Variants in ZBED3 observed in about 807,000 individuals in gnomAD.
ZBED3 encodes the protein zinc finger BED-type containing 3.
For missense variants in ZBED3, 388 were observed against 362.9 expected (o/e 1.07, Z -0.56); for synonymous variants, 175 against 180.0 (o/e 0.97, Z 0.22).
At position 77,077,453 on chromosome 5, in the gene ZBED3, G is replaced by A. The variant is rs1743041949; in HGVS notation, c.426C>T (p.Arg142=). The change falls in exon 3 of 3, where the codon CGC becomes CGT. Residue 142 remains arginine, a synonymous_variant. Transcript: ENST00000255198. ...CCAGCTCCCGCTCCCGCCGGCTGCCGCGCACGGCCAGCGCGCCCATCTGTT... is the reference window on the plus strand; with the variant it reads ...CCAGCTCCCGCTCCCGCCGGCTGCCACGCACGGCCAGCGCGCCCATCTGTT... ...LLEQMGALAV[R]GSRRERELER... The A allele has an allele frequency of 8.3e-7, 1 of 1,209,904 alleles. No homozygotes were observed. The allele number at this position is 1,209,904 out of a possible 1,614,324, so 74.9% of individuals were successfully genotyped here. A position where few individuals can be genotyped will look rare whatever the true frequency, so the allele number is the denominator to read the frequency against.
In ZBED3 at chr5:77,076,003, ATATATATATGTATATATG is replaced by A. The variant is rs1742986677; in HGVS notation, c.*1153_*1170del. Reference sequence around the variant, plus strand: ...TATGTATATATATATGTATATATGTATATATATATGTATATATGTATATATATATGTATATATGTATAT... The same window carrying A: ...TATGTATATATATATGTATATATGTATATATATATATGTATATATGTATAT... On this transcript the variant is annotated 3_prime_UTR_variant, in exon 3 of 3. Transcript: ENST00000255198. The A allele has an allele frequency of 9.0e-5, 5 of 55,820 alleles. No homozygotes were observed. Among genetic ancestry groups the A allele is most frequent in the South Asian group, 4.2e-4 (1 of 2,384 alleles). The allele number at this position is 55,820 out of a possible 1,614,324, so 3.5% of individuals were successfully genotyped here. A position where few individuals can be genotyped will look rare whatever the true frequency, so the allele number is the denominator to read the frequency against.
In ZBED3 at chr5:77,075,761, A is replaced by G. The variant is rs1742962970; in HGVS notation, c.*1413T>C. ...GGAACCAGTATGCAACAGGAAAAGG[A>G]ATTCTTTGAAGGAAAAACAGGATCC... On this transcript the variant is annotated 3_prime_UTR_variant, in exon 3 of 3. Coordinates refer to ENST00000255198, the MANE Select transcript of ZBED3 (RefSeq NM_032367.4). The G allele has an allele frequency of 6.6e-6, 1 of 151,290 alleles. No homozygotes were observed. Among genetic ancestry groups the G allele is most frequent in the African/African-American group, 2.4e-5 (1 of 41,182 alleles). The allele number at this position is 151,290 out of a possible 1,614,324, so 9.4% of individuals were successfully genotyped here. A position where few individuals can be genotyped will look rare whatever the true frequency, so the allele number is the denominator to read the frequency against.
In ZBED3 at chr5:77,073,403, TA is replaced by T. The variant is rs1354405596; in HGVS notation, c.*3770del. 1 of 152,198 alleles carries T rather than the reference TA, an allele frequency of 6.6e-6. No homozygotes were observed. Among genetic ancestry groups the T allele is most frequent in the African/African-American group, 2.4e-5 (1 of 41,440 alleles). 9.4% of individuals were successfully genotyped at this position (152,198 alleles called of 1,614,324 possible). A position where few individuals can be genotyped will look rare whatever the true frequency, so the allele number is the denominator to read the frequency against. ...AATTTATAAATCCATATGAAGAAGT[TA>T]AGTTCCAATACTTGAAAATAACTTA... On this transcript the variant is annotated 3_prime_UTR_variant, in exon 3 of 3. Transcript: ENST00000255198.
chr5:77,077,689 C>A lies in ZBED3; in HGVS notation c.190G>T (p.Gly64Cys). The A allele has an allele frequency of 7.4e-7, 1 of 1,354,926 alleles. No individual in the cohort carries two copies. The highest frequency in any genetic ancestry group is 9.5e-7 in the Non-Finnish European group (1 of 1,058,142). The allele number at this position is 1,354,926 out of a possible 1,614,324, so 83.9% of individuals were successfully genotyped here. A position where few individuals can be genotyped will look rare whatever the true frequency, so the allele number is the denominator to read the frequency against. The change falls in exon 3 of 3, where the codon GGC becomes TGC. Residue 64 changes from glycine (G) to cysteine (C), a missense_variant. Coordinates refer to ENST00000255198, the MANE Select transcript of ZBED3 (RefSeq NM_032367.4). ...CACAGACGGCAGGTGGCCCAGTGGC[C>A]CGACGGATGCCCGGGGCGCCCCGGC... ...LAPGRPGHPS[G>C]HWATCRLCGE...
chr5:77,084,379 G>C (rs1743193429), intron 1 of ZBED3, among the ~76,000 whole-genome samples: 1 of 152,182 alleles, frequency 6.6e-6, no homozygotes, highest in Non-Finnish European at 1.5e-5. Flanking sequence ...AATCTCACGA[G>C]ATCTGATGGT....
chr5:77,083,470 C>G (rs1279572050), intron 1 of ZBED3, among the ~76,000 whole-genome samples: 1 of 152,150 alleles, frequency 6.6e-6, no homozygotes, highest in Non-Finnish European at 1.5e-5. Flanking sequence ...TAGCCCCAGC[C>G]CACCCGAGTC....
In ZBED3 at chr5:77,075,747, G is replaced by GCAA. The variant is rs1489209588; in HGVS notation, c.*1424_*1426dup. ...CTATGGAAAAACTGGGAACCAGTATGCAACAGGAAAAGGAATTCTTTGAAG... is the reference window on the plus strand; with the variant it reads ...CTATGGAAAAACTGGGAACCAGTATGCAACAACAGGAAAAGGAATTCTTTGAAG... On this transcript the variant is annotated 3_prime_UTR_variant, in exon 3 of 3. Coordinates refer to ENST00000255198, the MANE Select transcript of ZBED3 (RefSeq NM_032367.4). 1 of 151,162 alleles carries GCAA rather than the reference G, an allele frequency of 6.6e-6. No homozygotes were observed. The highest frequency in any genetic ancestry group is 2.4e-5 in the African/African-American group (1 of 41,164). 9.4% of individuals were successfully genotyped at this position (151,162 alleles called of 1,614,324 possible).
In ZBED3 at chr5:77,072,747, G is replaced by A. The variant is rs1206754060; in HGVS notation, c.*4427C>T. The stretch of plus-strand genomic sequence containing the variant: ...GTCTTGGCAGATCTCTGAGGCTTGT[G>A]TGTAGGTGTTCTCAGGAATCCTCCC... On this transcript the variant is annotated 3_prime_UTR_variant, in exon 3 of 3. Coordinates refer to ENST00000255198, the MANE Select transcript of ZBED3 (RefSeq NM_032367.4). 2.0e-5 allele frequency: 3 copies of A among 152,182 alleles called. No homozygotes were observed. The highest frequency in any genetic ancestry group is 4.4e-5 in the Non-Finnish European group (3 of 68,030). The allele number at this position is 152,182 out of a possible 1,614,324, so 9.4% of individuals were successfully genotyped here. A position where few individuals can be genotyped will look rare whatever the true frequency, so the allele number is the denominator to read the frequency against.
rs1554047999 is a variant in ZBED3 at position 77,075,935 on chromosome 5, T to TTTTATATA, written c.*1238_*1239insTATATAAA. 23 of 21,156 alleles carry TTTTATATA rather than the reference T, an allele frequency of 1.1e-3. 5 individuals carry two copies. Among genetic ancestry groups the TTTTATATA allele is most frequent in the African/African-American group, 2.9e-3 (22 of 7,472 alleles). The allele number at this position is 21,156 out of a possible 1,614,324, so 1.3% of individuals were successfully genotyped here. Reference sequence around the variant, plus strand: ...GACATGCACCCTAGAACTTAAAGTATTATATATACATATATATATATATAT... The same window carrying TTTTATATA: ...GACATGCACCCTAGAACTTAAAGTATTTTATATATATATATACATATATATATATATAT... On this transcript the variant is annotated 3_prime_UTR_variant, in exon 3 of 3. Transcript: ENST00000255198.
At position 77,083,145 on chromosome 5, in the gene ZBED3, C is replaced by CA. The variant is rs554048397; in HGVS notation, c.-153+3965dup. On this transcript the variant is annotated intron_variant, in intron 1 of 2. Coordinates refer to ENST00000255198, the MANE Select transcript of ZBED3 (RefSeq NM_032367.4). ...AGAGCGAAACTCCATCTCAGAAAAA[C>CA]AAAAAACAAAAACAAAAAAGCAAAA... Among the ~76,000 whole-genome samples the CA allele has an allele frequency of 3.7e-3, 558 of 152,106 alleles. 1 individual carries two copies. Among genetic ancestry groups the CA allele is most frequent in the Non-Finnish European group, 5.2e-3 (353 of 67,966 alleles).
At position 77,072,839 on chromosome 5, in the gene ZBED3, A is replaced by G. The variant is rs1742910163; in HGVS notation, c.*4335T>C. ...TGAGCAGCAGGAGCCCTTAAGGCCA[A>G]AGAGACTGAAATGCATTAAGTAGGC... On this transcript the variant is annotated 3_prime_UTR_variant, in exon 3 of 3. Transcript: ENST00000255198. 6.6e-6 allele frequency: 1 copy of G among 152,296 alleles called. No homozygotes were observed. The highest frequency in any genetic ancestry group is 2.4e-5 in the African/African-American group (1 of 41,536). The allele number at this position is 152,296 out of a possible 1,614,324, so 9.4% of individuals were successfully genotyped here.
intron 1 of ZBED3, among the ~76,000 whole-genome samples, chr5:77,081,895 G>A (rs760922283): frequency 3.3e-5 from 5 of 152,118 alleles, no homozygotes; most frequent in Non-Finnish European, 7.4e-5. Flanking sequence ...CTCAGGAAGC[G>A]TACCATCTGG....
Position 77,075,965 on chromosome 5 carries a change from ATGTATATG to A in ZBED3, c.*1201_*1208del, listed in dbSNP as rs781086996. 0.092 allele frequency: 2,750 copies of A among 29,968 alleles called. 686 individuals are homozygous for A. Among genetic ancestry groups the A allele is most frequent in the Non-Finnish European group, 0.11 (1,703 of 15,668 alleles). The allele number at this position is 29,968 out of a possible 1,614,324, so 1.9% of individuals were successfully genotyped here. A position where few individuals can be genotyped will look rare whatever the true frequency, so the allele number is the denominator to read the frequency against. Reference sequence around the variant, plus strand: ...TATACATATATATATATATATATATATGTATATGTATATATGTATATATATATGTATAT... The same window carrying A: ...TATACATATATATATATATATATATATATATATGTATATATATATGTATAT... On this transcript the variant is annotated 3_prime_UTR_variant, in exon 3 of 3. Transcript: ENST00000255198.
In ZBED3 at chr5:77,077,314, G is replaced by T. The variant is rs765047926; in HGVS notation, c.565C>A (p.Arg189=). 37 of 1,313,988 alleles carry T rather than the reference G, an allele frequency of 2.8e-5. No individual in the cohort carries two copies. The highest frequency in any genetic ancestry group is 2.5e-4 in the Middle Eastern group (1 of 4,062). 81.4% of individuals were successfully genotyped at this position (1,313,988 alleles called of 1,614,324 possible). A position where few individuals can be genotyped will look rare whatever the true frequency, so the allele number is the denominator to read the frequency against. ...AQARRELQAE[R]EALQARLRDV... is the part of the protein sequence containing the mutation. ...CGCAGCCGCGCCTGCAGCGCCTCCC[G>T]CTCGGCCTGCAGTTCCCGGCGCGCC... Residue 189 remains arginine (R), a synonymous_variant, in exon 3 of 3, where the codon CGG becomes AGG. Transcript: ENST00000255198.
At chr5:77,084,144 G>A (rs1306893323) in intron 1 of ZBED3, among the ~76,000 whole-genome samples, 1 of 152,188 alleles carries the variant, frequency 6.6e-6, no homozygotes, top group Non-Finnish European at 1.5e-5. Context: ...ATTCCAAGAG[G>A]AACGTCACAT....
Position 77,073,689 on chromosome 5 carries a change from T to TGTAGTAATAGTA in ZBED3, c.*3484_*3485insTACTATTACTAC, listed in dbSNP as rs1742923742. 6.6e-6 allele frequency: 1 copy of TGTAGTAATAGTA among 151,992 alleles called. No individual in the cohort carries two copies. Among genetic ancestry groups the TGTAGTAATAGTA allele is most frequent in the Non-Finnish European group, 1.5e-5 (1 of 67,870 alleles). The allele number at this position is 151,992 out of a possible 1,614,324, so 9.4% of individuals were successfully genotyped here. A position where few individuals can be genotyped will look rare whatever the true frequency, so the allele number is the denominator to read the frequency against. ...AACAGCTTAAAAAATTACTACTATT[T>TGTAGTAATAGTA]CCTTTTATTTGTTGTTGTGAATTTT... On this transcript the variant is annotated 3_prime_UTR_variant, in exon 3 of 3. Transcript: ENST00000255198.
In ZBED3 at chr5:77,074,128, T is replaced by G. The variant is rs937286689; in HGVS notation, c.*3046A>C. 6.6e-6 allele frequency: 1 copy of G among 152,242 alleles called. No individual in the cohort carries two copies. The highest frequency in any genetic ancestry group is 1.5e-5 in the Non-Finnish European group (1 of 68,068). The allele number at this position is 152,242 out of a possible 1,614,324, so 9.4% of individuals were successfully genotyped here. ...CAGGAAGAACAGAGTCCAATTTGGC[T>G]GCAGGATAGGGCATATGTAGGGGAG... On this transcript the variant is annotated 3_prime_UTR_variant, in exon 3 of 3. Transcript: ENST00000255198.
Position 77,075,993 on chromosome 5 carries a change from GTATATATGTATA to G in ZBED3, c.*1169_*1180del, listed in dbSNP as rs1742984740. Reference sequence around the variant, plus strand: ...TATATGTATATATGTATATATATATGTATATATGTATATATATATGTATATATGTATATATAT... The same window carrying G: ...TATATGTATATATGTATATATATATGTATATATGTATATATGTATATATAT... On this transcript the variant is annotated 3_prime_UTR_variant, in exon 3 of 3. Transcript: ENST00000255198. 5.3e-4 allele frequency: 11 copies of G among 20,586 alleles called. 1 individual carries two copies. The highest frequency in any genetic ancestry group is 0.019 in the Middle Eastern group (1 of 54). 1.3% of individuals were successfully genotyped at this position (20,586 alleles called of 1,614,324 possible). A position where few individuals can be genotyped will look rare whatever the true frequency, so the allele number is the denominator to read the frequency against.
Position 77,075,639 on chromosome 5 carries a change from C to CT in ZBED3, c.*1534dup, listed in dbSNP as rs1336622264. 6.6e-6 allele frequency: 1 copy of CT among 151,490 alleles called. No homozygotes were observed. Among genetic ancestry groups the CT allele is most frequent in the African/African-American group, 2.4e-5 (1 of 41,176 alleles). 9.4% of individuals were successfully genotyped at this position (151,490 alleles called of 1,614,324 possible). On this transcript the variant is annotated 3_prime_UTR_variant, in exon 3 of 3. Transcript: ENST00000255198. ...TTCAATCCAAGTGGAGAGTATGTAT[C>CT]TGAGTATTCATTGTGCTAGCCTTTC...
Sources: gnomAD v4.1 joint callset for allele counts (sites outside exome capture counted in the v4.1 genomes callset) on GRCh38, gnomAD v4.1.1 for gene constraint, MANE v1.5 for transcripts, NCBI Gene and HGNC (gene_info 2026-07-23, HGNC 2026-07-21) for gene names.